The following SLC16A12 variants were observed in gnomAD, a reference collection of about 807,000 sequenced individuals.
SLC16A12 encodes the protein monocarboxylate transporter 12.
In SLC16A12, 17 loss-of-function variants were observed where a neutral mutation model predicts 42.4. The ratio of observed to expected loss-of-function variants is 0.40; its 90% CI spans 0.27 to 0.60. The LOEUF (loss-of-function observed/expected upper bound fraction) is 0.60. SLC16A12 is among the 20% of genes least tolerant of loss of function. SLC16A12 has a pLI of 0.42. For missense variants in SLC16A12, 544 were observed against 623.0 expected, an observed-to-expected ratio of 0.87 and a Z score of 1.35; for synonymous variants, 224 against 229.4, an observed-to-expected ratio of 0.98 and a Z score of 0.21.
chr10:89,507,029 A>C (rs1370420574), intron 2 of SLC16A12, among the ~76,000 whole-genome samples: 1 of 152,176 alleles, frequency 6.6e-6, no homozygotes, highest in African/African-American at 2.4e-5. Flanking sequence ...ATTAGAGAAA[A>C]AAGAGTGAAA....
chr10:89,551,665 C>T (rs565749252), intron 2 of SLC16A12, among the ~76,000 whole-genome samples: 4 of 152,240 alleles, frequency 2.6e-5, no homozygotes, highest in South Asian at 4.1e-4. Context: ...ATAATGTTCT[C>T]ATAGTAGTGA....
intron 2 of SLC16A12, among the ~76,000 whole-genome samples, chr10:89,496,188 AAG>A (rs1481605292): frequency 6.6e-6 from 1 of 152,178 alleles, no homozygotes; most frequent in Admixed American, 6.5e-5. Context: ...CAGGGCATGA[AAG>A]AACATACAAG....
At chr10:89,491,660 T>G (rs1842849366) in intron 2 of SLC16A12, among the ~76,000 whole-genome samples, 2 of 152,154 alleles carry the variant, frequency 1.3e-5, no homozygotes, top group African/African-American at 4.8e-5. Flanking sequence ...ACATTAAAAC[T>G]AAATTCTAAG....
intron 2 of SLC16A12, among the ~76,000 whole-genome samples, chr10:89,543,999 C>G (rs1843729891): frequency 6.6e-6 from 1 of 152,216 alleles, no homozygotes; most frequent in Admixed American, 6.5e-5. Context: ...ACTATGTCCA[C>G]AGAGTAGAAA....
chr10:89,483,032 T>C (rs1024108682), intron 2 of SLC16A12, among the ~76,000 whole-genome samples: 3 of 152,190 alleles, frequency 2.0e-5, no homozygotes, highest in South Asian at 2.1e-4. Context: ...TTCTGGAAGC[T>C]AGAAGTCCAC....
chr10:89,508,007 T>C (rs1843094668), intron 2 of SLC16A12, among the ~76,000 whole-genome samples: 1 of 152,144 alleles, frequency 6.6e-6, no homozygotes, highest in South Asian at 2.1e-4. Context: ...GGTAACGGGA[T>C]CAATCGACAA....
intron 2 of SLC16A12, among the ~76,000 whole-genome samples, chr10:89,543,812 G>A (rs1418775149): frequency 1.3e-5 from 2 of 152,244 alleles, no homozygotes; most frequent in African/African-American, 4.8e-5. Flanking sequence ...TCCAGCCTGG[G>A]CAACACAGCA....
rs528668984 is a variant in SLC16A12, at chr10:89,436,115, A to G, written c.1233T>C (p.Leu411=). ...CTGCGTGAAGGAAGTATACCACACC[A>G]AGCGCTGATGACAAAGAGGTGGTCC... ...IVGTTSLSSA[L]GVVYFLHAVP... Residue 411 remains leucine (L), a synonymous_variant, in exon 7 of 8, where the codon CTT becomes CTC. Transcript: ENST00000371790. The G allele has an allele frequency of 3.1e-6, 5 of 1,613,898 alleles. No homozygotes were observed. The East Asian group carries it at 1.1e-4, about 36-fold the overall frequency.
At chr10:89,436,366 T>C in intron 6 of SLC16A12, 47 bp from the exon 7 acceptor site, 2 of 1,611,440 alleles carry the variant, frequency 1.2e-6, no homozygotes, top group Admixed American at 1.7e-5. Flanking sequence ...ACACATTCTG[T>C]AAAAGAGCTT....
chr10:89,553,981 C>T (rs570172561), intron 2 of SLC16A12, among the ~76,000 whole-genome samples: 11 of 142,436 alleles, frequency 7.7e-5, no homozygotes, highest in African/African-American at 2.1e-4. Context: ...GGCAACAGAG[C>T]GAGACTCCAT....
intron 2 of SLC16A12, among the ~76,000 whole-genome samples, chr10:89,463,402 T>TA (rs58236030): frequency 0.12 from 18,713 of 151,228 alleles, 1,304 homozygotes; most frequent in South Asian, 0.21. Context: ...CCAAATAAGG[T>TA]AAAAAAAAGA....
intron 2 of SLC16A12, among the ~76,000 whole-genome samples, chr10:89,481,541 C>T (rs895711339): frequency 1.3e-5 from 2 of 151,938 alleles, no homozygotes; most frequent in African/African-American, 4.8e-5. Flanking sequence ...CACTTTTTAT[C>T]TGCCCAAGAA....
chr10:89,494,708 T>C (rs1842897073), intron 2 of SLC16A12, among the ~76,000 whole-genome samples: 1 of 151,916 alleles, frequency 6.6e-6, no homozygotes, highest in African/African-American at 2.4e-5. Context: ...TAATCCAACA[T>C]GGAAGGGAGA....
chr10:89,484,114 C>T (rs189417664), intron 2 of SLC16A12, among the ~76,000 whole-genome samples: 3 of 152,306 alleles, frequency 2.0e-5, no homozygotes, highest in African/African-American at 7.2e-5. Context: ...CATAGCAAGA[C>T]ACTGTCTCAA....
intron 2 of SLC16A12, 76 bp from the exon 3 acceptor site, chr10:89,462,700 A>T: frequency 7.0e-7 from 1 of 1,420,538 alleles, no homozygotes; most frequent in Non-Finnish European, 9.2e-7. Context: ...TTGGTAAGAC[A>T]TGATTATTAC....
chr10:89,442,442 C>T (rs1841928706), intron 4 of SLC16A12, among the ~76,000 whole-genome samples: 1 of 152,160 alleles, frequency 6.6e-6, no homozygotes, highest in South Asian at 2.1e-4. Context: ...CACCTAAGGT[C>T]ATTTCCTCCT....
At chr10:89,541,848 C>G (rs1332866062) in intron 2 of SLC16A12, among the ~76,000 whole-genome samples, 3 of 151,962 alleles carry the variant, frequency 2.0e-5, no homozygotes, top group African/African-American at 7.3e-5. Flanking sequence ...GTTGTGCAAA[C>G]TTTTATGTCA....
intron 6 of SLC16A12, 21 bp downstream of exon 6, chr10:89,438,583 T>C (rs754253065): frequency 1.1e-5 from 17 of 1,610,170 alleles, no homozygotes; most frequent in South Asian, 5.5e-5. Flanking sequence ...GGGGAACCAA[T>C]TGTGGTTTCA....
chr10:89,547,228 A>G (rs1380770534), intron 2 of SLC16A12, among the ~76,000 whole-genome samples: 1 of 152,228 alleles, frequency 6.6e-6, no homozygotes, highest in East Asian at 1.9e-4. Context: ...TAAGGGAAAA[A>G]AGTTTTTGCA....
Sources: gnomAD v4.1 joint callset for allele counts (sites outside exome capture counted in the v4.1 genomes callset) on GRCh38, gnomAD v4.1.1 for gene constraint, MANE v1.5 for transcripts, NCBI Gene and HGNC (gene_info 2026-07-23, HGNC 2026-07-21) for gene names.